The following TYW1 variants were observed in gnomAD, a reference collection of about 807,000 sequenced individuals.
TYW1 encodes S-adenosyl-L-methionine-dependent tRNA 4-demethylwyosine synthase TYW1.
TYW1 carries 46 observed loss-of-function variants against 96.2 expected under a neutral mutation model. The ratio of observed to expected loss-of-function variants is 0.48; its 90% CI spans 0.38 to 0.61. TYW1 has a LOEUF of 0.61. Ranked by LOEUF, TYW1 falls within the 20% of genes least tolerant of loss-of-function variation. The pLI is 0.00. For missense variants in TYW1, 684 were observed against 909.6 expected, an observed-to-expected ratio of 0.75 and a Z score of 3.19; for synonymous variants, 274 against 323.0, an observed-to-expected ratio of 0.85 and a Z score of 1.63.
intron 12 of TYW1, among the ~76,000 whole-genome samples, chr7:67,102,619 G>A (rs1278725174): frequency 1.3e-5 from 2 of 152,060 alleles, no homozygotes; most frequent in African/African-American, 4.8e-5. Context: ...CATCAAGAAA[G>A]AAGGAATGCT....
At chr7:67,004,265 T>A (rs1346832566) in intron 3 of TYW1, among the ~76,000 whole-genome samples, 1 of 152,150 alleles carries the variant, frequency 6.6e-6, no homozygotes, top group Non-Finnish European at 1.5e-5. Context: ...GATGTTGAAA[T>A]TTGATCCCTC....
intron 10 of TYW1, among the ~76,000 whole-genome samples, chr7:67,070,119 T>G (rs1795988086): frequency 6.6e-6 from 1 of 152,224 alleles, no homozygotes; most frequent in African/African-American, 2.4e-5. Context: ...AAGGATCCCT[T>G]ATATGTGATG....
chr7:67,222,584 C>T (rs909207708), intron 15 of TYW1, among the ~76,000 whole-genome samples: 47 of 152,302 alleles, frequency 3.1e-4, no homozygotes, highest in Non-Finnish European at 4.7e-4. Context: ...TGACAAGTCA[C>T]TGCTCTCTTG....
Position 67,073,780 on chromosome 7 carries a change from A to G in TYW1, c.1274+6377A>G, listed in dbSNP as rs561412623. 1.0e-3 allele frequency among the ~76,000 whole-genome samples: 153 copies of G among 146,386 alleles called. 1 individual carries two copies. Among genetic ancestry groups the G allele is most frequent in the African/African-American group, 2.5e-3 (98 of 39,724 alleles). On this transcript the variant is annotated intron_variant, in intron 10 of 15. Coordinates refer to ENST00000359626, the MANE Select transcript of TYW1 (RefSeq NM_018264.4). ...TGCGAGACTCTTCAAAAAAAAAAAA[A>G]AAAAAAAAAAAAAGAAATATGGCCA...
At chr7:67,050,184 A>T in intron 8 of TYW1, 118 bp downstream of exon 8, 3 of 1,195,224 alleles carry the variant, frequency 2.5e-6, no homozygotes, top group Non-Finnish European at 3.6e-6. Flanking sequence ...CAGATATAAC[A>T]GTCTAAAGAT....
At chr7:67,222,089 C>T (rs992209776) in intron 15 of TYW1, among the ~76,000 whole-genome samples, 1 of 151,896 alleles carries the variant, frequency 6.6e-6, no homozygotes, top group Non-Finnish European at 1.5e-5. Context: ...CCCAGATACT[C>T]GGGAGGCTGA....
intron 11 of TYW1, among the ~76,000 whole-genome samples, chr7:67,085,180 C>T (rs1469081499): frequency 2.0e-5 from 3 of 152,182 alleles, no homozygotes; most frequent in Non-Finnish European, 2.9e-5. Flanking sequence ...TCTGGCCACT[C>T]ATTCGTAATA....
Position 67,001,187 on chromosome 7 carries a change from T to C in TYW1, c.273+2233T>C, listed in dbSNP as rs1240136558. On this transcript the variant is annotated intron_variant, in intron 3 of 15. Transcript: ENST00000359626. ...TGAAATGTACTCTCCAGAAACCTTTTAACTATTTCTATTTTTAGTTCCTCT... is the reference window on the plus strand; with the variant it reads ...TGAAATGTACTCTCCAGAAACCTTTCAACTATTTCTATTTTTAGTTCCTCT... Among the ~76,000 whole-genome samples, 3 of 152,324 alleles carry C rather than the reference T, an allele frequency of 2.0e-5. No homozygotes were observed. In the East Asian group the frequency reaches 5.8e-4, roughly 29 times the overall value.
chr7:67,010,477 ATT>A (rs201032960), intron 4 of TYW1, among the ~76,000 whole-genome samples: 24 of 135,254 alleles, frequency 1.8e-4, no homozygotes, highest in Admixed American at 2.9e-4. Flanking sequence ...ATTTTAAAAG[ATT>A]TTTTTTTTTT....
rs750173188 is a variant in TYW1, at chr7:67,009,679, G to A, written c.370G>A (p.Glu124Lys). The A allele has an allele frequency of 1.1e-5, 17 of 1,599,818 alleles. No homozygotes were observed. The highest frequency in any genetic ancestry group is 1.3e-5 in the Non-Finnish European group (15 of 1,175,224). Residue 124 changes from glutamate to lysine, a missense_variant, in exon 4 of 16, where the codon GAA becomes AAA. Transcript: ENST00000359626. ...ATATGATCCAGATGATCATCTGATA[G>A]AAGAGGTTGGTAATTGTCTTTTTCT... ...KEYDPDDHLI[E>K]EVTSKNVCVF... is the part of the protein sequence containing the mutation.
intron 3 of TYW1, among the ~76,000 whole-genome samples, chr7:67,003,271 G>T (rs1032595050): frequency 4.6e-5 from 7 of 152,074 alleles, no homozygotes; most frequent in African/African-American, 1.7e-4. Context: ...CCTTCCAATT[G>T]CTTGGTCCAA....
In TYW1 at chr7:67,238,315, T is replaced by A; in HGVS notation, c.1985T>A (p.Ile662Asn). 1 of 1,597,538 alleles carries A rather than the reference T, an allele frequency of 6.3e-7. No homozygotes were observed. Residue 662 changes from isoleucine to asparagine, a missense_variant, in exon 16 of 16, where the codon ATT becomes AAT. Transcript: ENST00000359626. ...ACATTTTTTTCTTTCCAGTTTAAAA[T>A]TGGTGGTGAATGGTGGACATGGATC... ...CLLIAHRKFK[I>N]GGEWWTWIDY...
At chr7:67,068,810 A>G (rs1314898413) in intron 10 of TYW1, among the ~76,000 whole-genome samples, 1 of 152,102 alleles carries the variant, frequency 6.6e-6, no homozygotes. Flanking sequence ...AGTCATTTCA[A>G]GCTTAATGTA....
At chr7:67,197,372 C>G (rs1800431974) in intron 15 of TYW1, among the ~76,000 whole-genome samples, 1 of 149,136 alleles carries the variant, frequency 6.7e-6, no homozygotes, top group African/African-American at 2.5e-5. Context: ...GTTGCACAGG[C>G]TGGAGTGCAG....
chr7:67,025,905 T>C (rs1274505333), intron 7 of TYW1, among the ~76,000 whole-genome samples: 1 of 151,900 alleles, frequency 6.6e-6, no homozygotes. Flanking sequence ...AAATCAATGC[T>C]AAAACCTATA....
At chr7:67,055,500 G>C (rs1157618155) in intron 8 of TYW1, among the ~76,000 whole-genome samples, 1 of 151,586 alleles carries the variant, frequency 6.6e-6, no homozygotes, top group Non-Finnish European at 1.5e-5. Flanking sequence ...GCGGGAGTCT[G>C]AGGCATGAGA....
intron 10 of TYW1, among the ~76,000 whole-genome samples, chr7:67,080,425 A>T (rs1182305049): frequency 5.1e-5 from 7 of 137,282 alleles, no homozygotes; most frequent in Non-Finnish European, 1.1e-4. Context: ...TTTTAATTTG[A>T]GATGGAATCC....
At chr7:67,059,472 T>C (rs1459958423) in intron 9 of TYW1, among the ~76,000 whole-genome samples, 1 of 151,562 alleles carries the variant, frequency 6.6e-6, no homozygotes, top group Non-Finnish European at 1.5e-5. Flanking sequence ...TATCATTGGC[T>C]GCAAAGATCA....
intron 13 of TYW1, among the ~76,000 whole-genome samples, chr7:67,162,149 C>G (rs1342049099): frequency 6.6e-6 from 1 of 150,838 alleles, no homozygotes; most frequent in Non-Finnish European, 1.5e-5. Context: ...ACAAAAAAAA[C>G]AAAAAAACAA....
Sources: allele counts gnomAD v4.1 joint callset (sites outside exome capture counted in the v4.1 genomes callset), GRCh38; gene constraint gnomAD v4.1.1; transcripts MANE v1.5; gene names NCBI Gene and HGNC (gene_info 2026-07-23, HGNC 2026-07-21).